Variants in NEBL observed in about 807,000 individuals in gnomAD.
NEBL encodes the protein nebulette, also known as LIM and SH3 protein 2.
Under a neutral mutation model 140.2 loss-of-function variants are expected in NEBL, and 122 were observed. That is an observed-to-expected ratio of 0.87 (90% CI 0.75 to 1.01). The LOEUF is 1.01. Ranked by LOEUF, NEBL falls within the 50% of genes least tolerant of loss-of-function variation. The pLI is 0.00. For missense variants in NEBL, 1,365 were observed against 1,231.3 expected (o/e 1.11, Z -1.62); for synonymous variants, 436 against 398.9 (o/e 1.09, Z -1.11).
chr10:21,251,129 T>C (rs868793318), intron 2 of NEBL, among the ~76,000 whole-genome samples: 11 of 152,336 alleles, frequency 7.2e-5, no homozygotes, highest in Admixed American at 3.3e-4. Context: ...TATTTTTGCT[T>C]GTGATATTTT....
chr10:20,933,827 G>T (rs1449230331), intron 4 of NEBL, among the ~76,000 whole-genome samples: 1 of 152,182 alleles, frequency 6.6e-6, no homozygotes, highest in Non-Finnish European at 1.5e-5. Context: ...ATTGGCAGGT[G>T]TCCTCCACTC....
rs1251503235 is a variant in NEBL at position 20,782,243 on chromosome 10, C to T, written c.*3504G>A. On this transcript the variant is annotated 3_prime_UTR_variant, in exon 28 of 28. Transcript: ENST00000377122. ...TATAGAATAGGCAGCAACTTGCTTG[C>T]TTGGTTTTCTTTCCAAGAGCATACT... is the stretch of plus-strand genomic sequence containing the variant. 3.9e-5 allele frequency: 6 copies of T among 152,474 alleles called. No individual in the cohort carries two copies. The highest frequency in any genetic ancestry group is 2.6e-4 in the Admixed American group (4 of 15,248). The allele number at this position is 152,474 out of a possible 1,614,324, so 9.4% of individuals were successfully genotyped here. A position where few individuals can be genotyped will look rare whatever the true frequency, so the allele number is the denominator to read the frequency against.
At chr10:20,824,063 C>G (rs969978629) in intron 18 of NEBL, among the ~76,000 whole-genome samples, 2 of 151,992 alleles carry the variant, frequency 1.3e-5, no homozygotes, top group African/African-American at 4.8e-5. Flanking sequence ...ATGCACGGGA[C>G]AAGAAAGAGT....
chr10:21,268,182 C>A (rs1348817061), intron 1 of NEBL, among the ~76,000 whole-genome samples: 1 of 152,142 alleles, frequency 6.6e-6, no homozygotes, highest in Non-Finnish European at 1.5e-5. Flanking sequence ...AAGACTGCGG[C>A]AACTGAAGCT....
intron 2 of NEBL, among the ~76,000 whole-genome samples, chr10:21,149,613 G>GTAAACA (rs1161749546): frequency 1.3e-5 from 2 of 152,156 alleles, no homozygotes; most frequent in Non-Finnish European, 2.9e-5. Flanking sequence ...TAATAAACCA[G>GTAAACA]TAAACATAAG....
intron 3 of NEBL, among the ~76,000 whole-genome samples, chr10:21,002,681 G>C (rs1460953301): frequency 6.6e-6 from 1 of 152,080 alleles, no homozygotes; most frequent in African/African-American, 2.4e-5. Context: ...TCACACAATG[G>C]AGTACGAAAG....
intron 9 of NEBL, among the ~76,000 whole-genome samples, chr10:20,857,986 A>G (rs1324233245): frequency 6.6e-6 from 1 of 152,132 alleles, no homozygotes; most frequent in East Asian, 1.9e-4. Context: ...GAATGATGGA[A>G]AGGCCACTGT....
chr10:20,923,952 C>G (rs1387160560), intron 4 of NEBL, among the ~76,000 whole-genome samples: 1 of 152,094 alleles, frequency 6.6e-6, no homozygotes, highest in African/African-American at 2.4e-5. Context: ...TTTTCTAATT[C>G]ATCTGGGTGT....
intron 4 of NEBL, among the ~76,000 whole-genome samples, chr10:20,912,453 AAAAC>A (rs1166942303): frequency 1.3e-5 from 2 of 152,208 alleles, no homozygotes; most frequent in African/African-American, 2.4e-5. Context: ...CTTGTCTTTA[AAAAC>A]AAACAAACAA....
chr10:21,020,873 A>G (rs1348169493), intron 2 of NEBL, among the ~76,000 whole-genome samples: 2 of 152,048 alleles, frequency 1.3e-5, no homozygotes, highest in Non-Finnish European at 2.9e-5. Context: ...AGTCTACACC[A>G]TCACCTGGGG....
intron 4 of NEBL, among the ~76,000 whole-genome samples, chr10:20,909,881 T>C (rs1378589038): frequency 6.6e-6 from 1 of 152,158 alleles, no homozygotes; most frequent in Non-Finnish European, 1.5e-5. Context: ...CATATAGTGA[T>C]ATATCTGCAG....
intron 3 of NEBL, among the ~76,000 whole-genome samples, chr10:21,015,563 C>T (rs549353375): frequency 8.5e-5 from 13 of 152,268 alleles, no homozygotes; most frequent in African/African-American, 3.1e-4. Context: ...GCTGCTGGAG[C>T]ACAGTGGTGT....
intron 2 of NEBL, among the ~76,000 whole-genome samples, chr10:21,103,395 C>T (rs182089361): frequency 1.7e-4 from 26 of 151,894 alleles, no homozygotes; most frequent in Non-Finnish European, 3.2e-4. Flanking sequence ...TTGTATTTCT[C>T]GTAGAGATGG....
intron 4 of NEBL, among the ~76,000 whole-genome samples, chr10:20,937,647 C>T (rs990844205): frequency 3.3e-5 from 5 of 152,138 alleles, no homozygotes; most frequent in African/African-American, 9.7e-5. Flanking sequence ...GAGGCATCGC[C>T]TCACCCAGGA....
At chr10:21,232,358 A>G (rs1842277130) in intron 3 of NEBL, among the ~76,000 whole-genome samples, 1 of 152,136 alleles carries the variant, frequency 6.6e-6, no homozygotes, top group Admixed American at 6.6e-5. Context: ...TTTGCCACAG[A>G]CCAAGGGTCG....
chr10:21,010,977 T>C (rs1039247806), intron 3 of NEBL, among the ~76,000 whole-genome samples: 1 of 152,214 alleles, frequency 6.6e-6, no homozygotes, highest in African/African-American at 2.4e-5. Flanking sequence ...GAAGGAGCTA[T>C]TTAGAGAATG....
chr10:21,128,341 C>G (rs997429162), intron 2 of NEBL, among the ~76,000 whole-genome samples: 1 of 152,108 alleles, frequency 6.6e-6, no homozygotes, highest in African/African-American at 2.4e-5. Context: ...GTTTTCTGCA[C>G]TGGGTGAGTT....
At chr10:21,275,749 T>G (rs1375307528) in intron 1 of NEBL, among the ~76,000 whole-genome samples, 1 of 148,784 alleles carries the variant, frequency 6.7e-6, no homozygotes, top group Non-Finnish European at 1.5e-5. Flanking sequence ...CAAGCAATTC[T>G]CCTGCCTCGG....
intron 3 of NEBL, among the ~76,000 whole-genome samples, chr10:21,212,364 G>C (rs902477672): frequency 2.0e-5 from 3 of 152,010 alleles, no homozygotes; most frequent in African/African-American, 7.2e-5. Context: ...TTCCCAATTA[G>C]TGCAATCCTG....
Sources: gnomAD v4.1 joint callset for allele counts (sites outside exome capture counted in the v4.1 genomes callset) on GRCh38, gnomAD v4.1.1 for gene constraint, MANE v1.5 for transcripts, NCBI Gene and HGNC (gene_info 2026-07-23, HGNC 2026-07-21) for gene names.